RP1: variants seen among roughly 807,000 people sequenced by gnomAD.
RP1 encodes RP1 axonemal microtubule associated.
In RP1, 16 loss-of-function variants were observed where a neutral mutation model predicts 14.8. The observed-to-expected ratio is 1.08, with a 90% confidence interval of 0.73 to 1.65. The LOEUF (loss-of-function observed/expected upper bound fraction) is 1.65. Ranked by LOEUF, RP1 falls within the 40% of genes most tolerant of loss-of-function variation. The pLI is 0.00. For synonymous variants in RP1, 876 were observed against 883.6 expected (o/e 0.99, Z 0.15); for missense variants, 2,631 against 2,535.0 (o/e 1.04, Z -0.81).
upstream of RP1, among the ~76,000 whole-genome samples, chr8:54,611,627 A>T (rs1805594422): frequency 6.6e-6 from 1 of 151,916 alleles, no homozygotes; most frequent in South Asian, 2.1e-4. Flanking sequence ...GTGTTCCTTT[A>T]GTGCTTTAAG....
At chr8:54,788,475 T>C (rs1344104921) in intron 24 of RP1, among the ~76,000 whole-genome samples, 1 of 152,130 alleles carries the variant, frequency 6.6e-6, no homozygotes, top group Admixed American at 6.6e-5. Context: ...CTTTCCTTTT[T>C]TTTTGTTTTT....
chr8:54,852,661 G>C (rs1178224322), exon 26 of RP1: 1 of 1,231,882 alleles, frequency 8.1e-7, no homozygotes, highest in East Asian at 3.2e-5. Context: ...ATCGGTACCA[G>C]AGGTGATTCA....
At chr8:54,824,390 C>G (rs1425688894) in intron 24 of RP1, among the ~76,000 whole-genome samples, 1 of 152,010 alleles carries the variant, frequency 6.6e-6, no homozygotes, top group Non-Finnish European at 1.5e-5. Flanking sequence ...TTTGAATAAC[C>G]CTATAATCAG....
chr8:54,870,792 G>A (rs947379526), exon 29 of RP1: 1 of 152,126 alleles, frequency 6.6e-6, no homozygotes, highest in Non-Finnish European at 1.5e-5. Context: ...TGAGGTAGAT[G>A]CTATCATCAC....
chr8:54,586,955 T>C (rs1342361362), intron 1 of RP1, among the ~76,000 whole-genome samples: 1 of 152,222 alleles, frequency 6.6e-6, no homozygotes, highest in Non-Finnish European at 1.5e-5. Flanking sequence ...GGTGAGGCAA[T>C]GCCTTGCCCT....
At chr8:54,586,684 C>T (rs1420207249) in intron 1 of RP1, among the ~76,000 whole-genome samples, 1 of 152,224 alleles carries the variant, frequency 6.6e-6, no homozygotes, top group Non-Finnish European at 1.5e-5. Context: ...CTACTCAAGC[C>T]TTGGCAATGG....
intron 27 of RP1, among the ~76,000 whole-genome samples, chr8:54,857,788 C>T (rs186171283): frequency 1.1e-3 from 160 of 152,230 alleles, no homozygotes; most frequent in Non-Finnish European, 1.9e-3. Context: ...ATCCCTGATC[C>T]GACCTTTCCC....
chr8:54,729,821 G>A (rs1234937096), intron 17 of RP1, among the ~76,000 whole-genome samples: 1 of 151,772 alleles, frequency 6.6e-6, no homozygotes, highest in Non-Finnish European at 1.5e-5. Context: ...ATTATAATTT[G>A]TAATGGATGC....
intron 22 of RP1, among the ~76,000 whole-genome samples, chr8:54,764,804 C>T (rs968775858): frequency 6.6e-6 from 1 of 151,986 alleles, no homozygotes; most frequent in Non-Finnish European, 1.5e-5. Flanking sequence ...TGTATCTTAA[C>T]CTCACTATGA....
chr8:54,814,261 T>C (rs1811081463), intron 24 of RP1, among the ~76,000 whole-genome samples: 4 of 152,304 alleles, frequency 2.6e-5, no homozygotes, highest in Admixed American at 1.3e-4. Flanking sequence ...GTTGTAACTC[T>C]GAAAATGAAT....
Position 54,627,781 on chromosome 8 carries a change from G to A in RP1, c.3899G>A (p.Gly1300Glu). The A allele has an allele frequency of 6.2e-7, 1 of 1,614,152 alleles. No individual in the cohort carries two copies. The highest frequency in any genetic ancestry group is 8.5e-7 in the Non-Finnish European group (1 of 1,179,990). The change falls in exon 4 of 4, where the codon GGA (glycine) becomes GAA (glutamate). Residue 1300 changes from glycine to glutamate, a missense_variant. Transcript: ENST00000220676. Reference sequence around the variant, plus strand: ...TCTATGAATAAGGCTTGTTTCCTAGGAGAGGTCTGTTCACTTACTGATACT... The same window carrying A: ...TCTATGAATAAGGCTTGTTTCCTAGAAGAGGTCTGTTCACTTACTGATACT... ...QTSMNKACFL[G>E]EVCSLTDTVF...
At chr8:54,772,500 G>A (rs1166446324), downstream of RP1, among the ~76,000 whole-genome samples, 4 of 152,106 alleles carry the variant, frequency 2.6e-5, no homozygotes, top group African/African-American at 9.7e-5. Context: ...GTACAATGTG[G>A]AATAGAAGCA....
chr8:54,759,827 A>C (rs966253276), intron 22 of RP1, among the ~76,000 whole-genome samples: 1 of 152,104 alleles, frequency 6.6e-6, no homozygotes. Context: ...TTACAAATTG[A>C]GTTAAAACCC....
downstream of RP1, among the ~76,000 whole-genome samples, chr8:54,634,352 A>AT (rs1384448761): frequency 2.0e-5 from 3 of 152,210 alleles, no homozygotes; most frequent in Admixed American, 6.5e-5. Flanking sequence ...GCTGAAATGA[A>AT]TTTGGGTCTG....
intron 6 of RP1, among the ~76,000 whole-genome samples, chr8:54,661,647 A>T (rs1806901380): frequency 6.6e-6 from 1 of 152,118 alleles, no homozygotes; most frequent in African/African-American, 2.4e-5. Context: ...CAGAGGATGG[A>T]GCTGGTGTGG....
At chr8:54,741,246 G>A (rs545785916) in intron 19 of RP1, among the ~76,000 whole-genome samples, 24 of 152,234 alleles carry the variant, frequency 1.6e-4, no homozygotes, top group African/African-American at 4.8e-4. Flanking sequence ...GAAGCCTACA[G>A]TAGTGTACAA....
At position 54,564,539 on chromosome 8, in the gene RP1, A is replaced by T. The variant is rs16920515; in HGVS notation, c.-13+5219A>T. Among the ~76,000 whole-genome samples, 1,874 of 152,288 alleles carry T rather than the reference A, an allele frequency of 0.012. 70 individuals are homozygous for T. In the East Asian group the frequency reaches 0.14, roughly 12 times the overall value. On this transcript the variant is annotated intron_variant, in intron 1 of 22. Coordinates refer to the RP1 transcript ENST00000636932. ...ATGGCACCTTCATGATGTCTTGGTG[A>T]TTGTTTCAGTCCCGTTTCACAGATG...
intron 24 of RP1, among the ~76,000 whole-genome samples, chr8:54,832,595 G>A (rs1173041229): frequency 6.6e-6 from 1 of 151,712 alleles, no homozygotes; most frequent in Non-Finnish European, 1.5e-5. Flanking sequence ...CAACATCCAT[G>A]TTATTTGCAG....
intron 1 of RP1, among the ~76,000 whole-genome samples, chr8:54,607,681 G>A (rs1309300262): frequency 2.0e-5 from 3 of 152,208 alleles, no homozygotes; most frequent in Non-Finnish European, 2.9e-5. Context: ...TTGAGCTGCG[G>A]TGGGCTTCAC....
Sources: gnomAD v4.1 joint callset for allele counts (sites outside exome capture counted in the v4.1 genomes callset) on GRCh38, gnomAD v4.1.1 for gene constraint, MANE v1.5 for transcripts, NCBI Gene and HGNC (gene_info 2026-07-23, HGNC 2026-07-21) for gene names.